The following CCDC85A variants were observed in gnomAD, a reference collection of about 807,000 sequenced individuals.
CCDC85A encodes the protein coiled-coil domain-containing protein 85A.
In CCDC85A, 38 loss-of-function variants were observed where a neutral mutation model predicts 50.2. The ratio of observed to expected loss-of-function variants is 0.76; its 90% confidence interval spans 0.58 to 0.99. The LOEUF is 0.99. Among genes scored for constraint, CCDC85A ranks in the 50% least tolerant of loss-of-function variants. CCDC85A has a pLI of 0.00. For missense variants in CCDC85A, 820 were observed against 742.0 expected (o/e 1.11, Z -1.22); for synonymous variants, 366 against 301.4 (o/e 1.21, Z -2.22).
chr2:56,363,064 A>T (rs189047863), intron 3 of CCDC85A, among the ~76,000 whole-genome samples: 3 of 152,256 alleles, frequency 2.0e-5, no homozygotes, highest in African/African-American at 7.2e-5. Context: ...CAGTTAAATG[A>T]GTGTATATAT....
intron 5 of CCDC85A, among the ~76,000 whole-genome samples, chr2:56,378,802 C>A (rs962052218): frequency 6.6e-6 from 1 of 152,170 alleles, no homozygotes; most frequent in African/African-American, 2.4e-5. Context: ...ATGTGAACAT[C>A]AGCATTGTCC....
At chr2:56,187,681 A>T (rs544088723) in intron 1 of CCDC85A, among the ~76,000 whole-genome samples, 2 of 152,306 alleles carry the variant, frequency 1.3e-5, no homozygotes, top group African/African-American at 4.8e-5. Context: ...CACAGACATA[A>T]AGTGTTCAAA....
intron 2 of CCDC85A, among the ~76,000 whole-genome samples, chr2:56,312,608 T>C (rs947600966): frequency 6.6e-6 from 1 of 152,174 alleles, no homozygotes; most frequent in Admixed American, 6.6e-5. Context: ...ATATCTGTGA[T>C]ACCTATAATA....
intron 2 of CCDC85A, among the ~76,000 whole-genome samples, chr2:56,330,093 C>A (rs1201665516): frequency 6.6e-6 from 1 of 151,400 alleles, no homozygotes; most frequent in Non-Finnish European, 1.5e-5. Flanking sequence ...CCACTTTTAT[C>A]CTCTGGCATT....
intron 2 of CCDC85A, among the ~76,000 whole-genome samples, chr2:56,230,566 C>T (rs1318997407): frequency 1.3e-5 from 2 of 152,190 alleles, no homozygotes; most frequent in South Asian, 2.1e-4. Flanking sequence ...AAATTGAATG[C>T]TCTTCCTCAC....
chr2:56,184,657 T>G lies in CCDC85A; in HGVS notation c.33T>G (p.Ala11=), dbSNP rs549078505. 1 of 1,448,664 alleles carries G rather than the reference T, an allele frequency of 6.9e-7. No homozygotes were observed. The highest frequency in any genetic ancestry group is 9.0e-7 in the Non-Finnish European group (1 of 1,113,282). 89.7% of individuals were successfully genotyped at this position (1,448,664 alleles called of 1,614,324 possible). A position where few individuals can be genotyped will look rare whatever the true frequency, so the allele number is the denominator to read the frequency against. ...AGGCGGCCGGAGGCGCGGCGGCGGC[T>G]GCGGCGGCGGCGGAAAGTTGTTCCC... The part of the protein sequence containing the change: MSKAAGGAAA[A]AAAAESCSPA... Residue 11 remains alanine (A), a synonymous_variant, in exon 1 of 6, where the codon GCT becomes GCG. Coordinates refer to ENST00000407595, the MANE Select transcript of CCDC85A (RefSeq NM_001080433.2).
rs142781703 is a variant in CCDC85A, at chr2:56,331,345, C to T, written c.1241-11534C>T. On this transcript the variant is annotated intron_variant, in intron 2 of 5. Coordinates refer to ENST00000407595, the MANE Select transcript of CCDC85A (RefSeq NM_001080433.2). ...ATAGGTGCAGCAAACCACCATGGCACCTGTATACCTATATAAGCTCCACGT... is the reference window on the plus strand; with the variant it reads ...ATAGGTGCAGCAAACCACCATGGCATCTGTATACCTATATAAGCTCCACGT... 1.2e-4 allele frequency among the ~76,000 whole-genome samples: 18 copies of T among 152,192 alleles called. 1 individual carries two copies. The East Asian group carries it at 3.5e-3, about 29-fold the overall frequency.
At chr2:56,333,935 T>C (rs1250583154) in intron 2 of CCDC85A, among the ~76,000 whole-genome samples, 1 of 152,208 alleles carries the variant, frequency 6.6e-6, no homozygotes, top group Non-Finnish European at 1.5e-5. Context: ...CACTTCCCTC[T>C]CCATGACTAG....
At chr2:56,327,284 C>T (rs1673520297) in intron 2 of CCDC85A, among the ~76,000 whole-genome samples, 2 of 152,144 alleles carry the variant, frequency 1.3e-5, no homozygotes, top group African/African-American at 4.8e-5. Flanking sequence ...TCATCTACCT[C>T]AGTATTCATG....
intron 2 of CCDC85A, among the ~76,000 whole-genome samples, chr2:56,217,395 T>C (rs1668112788): frequency 6.6e-6 from 1 of 151,920 alleles, no homozygotes; most frequent in African/African-American, 2.4e-5. Flanking sequence ...ACAGTTTGCA[T>C]TTTGTGGTTG....
chr2:56,184,937 G>C, intron 1 of CCDC85A, 37 bp downstream of exon 1: 1 of 1,451,426 alleles, frequency 6.9e-7, no homozygotes, highest in Non-Finnish European at 9.0e-7. Flanking sequence ...CGGCGCGGCT[G>C]GGAGCGGGGT....
intron 2 of CCDC85A, among the ~76,000 whole-genome samples, chr2:56,258,136 G>T (rs976651643): frequency 1.3e-5 from 2 of 152,148 alleles, no homozygotes; most frequent in African/African-American, 4.8e-5. Flanking sequence ...GAATGCAGGG[G>T]ATGGAGAACA....
chr2:56,255,854 A>G (rs1368393952), intron 2 of CCDC85A, among the ~76,000 whole-genome samples: 1 of 152,182 alleles, frequency 6.6e-6, no homozygotes, highest in Admixed American at 6.6e-5. Flanking sequence ...CACAGGAAAA[A>G]TAAGATTTAG....
chr2:56,304,544 G>A (rs965808535), intron 2 of CCDC85A, among the ~76,000 whole-genome samples: 1 of 152,136 alleles, frequency 6.6e-6, no homozygotes, highest in Admixed American at 6.6e-5. Flanking sequence ...CTAATTGTGA[G>A]AAGAACTGTG....
intron 2 of CCDC85A, among the ~76,000 whole-genome samples, chr2:56,300,385 G>C (rs1672146182): frequency 6.6e-6 from 1 of 152,208 alleles, no homozygotes; most frequent in East Asian, 1.9e-4. Flanking sequence ...TGTTAGCAAA[G>C]GCAATTTAAT....
intron 2 of CCDC85A, among the ~76,000 whole-genome samples, chr2:56,203,621 G>T (rs571327567): frequency 3.9e-5 from 6 of 152,176 alleles, no homozygotes; most frequent in African/African-American, 1.4e-4. Flanking sequence ...AGCTAAGCTG[G>T]TTTGATTATT....
intron 2 of CCDC85A, among the ~76,000 whole-genome samples, chr2:56,292,528 A>G (rs1573191187): frequency 1.3e-5 from 2 of 152,304 alleles, no homozygotes; most frequent in Non-Finnish European, 1.5e-5. Context: ...TGAAAAGAGG[A>G]GAATGATGTG....
chr2:56,379,944 C>T (rs1573377575), intron 5 of CCDC85A: 2 of 238,906 alleles, frequency 8.4e-6, no homozygotes, highest in East Asian at 3.6e-4. Context: ...TGACCAAATG[C>T]CTTTATGTTT....
intron 3 of CCDC85A, among the ~76,000 whole-genome samples, chr2:56,357,679 T>G (rs971482675): frequency 7.2e-6 from 1 of 138,964 alleles, no homozygotes; most frequent in African/African-American, 2.6e-5. Context: ...TTTGCTATGT[T>G]CTTTTCTCTT....
Sources: allele counts gnomAD v4.1 joint callset (sites outside exome capture counted in the v4.1 genomes callset), GRCh38; gene constraint gnomAD v4.1.1; transcripts MANE v1.5; gene names NCBI Gene and HGNC (gene_info 2026-07-23, HGNC 2026-07-21).